The following PAN3 variants were observed in gnomAD, a reference collection of about 807,000 sequenced individuals.
PAN3 encodes PAN2-PAN3 deadenylation complex subunit PAN3.
A neutral mutation model predicts 96.2 loss-of-function variants in PAN3; 19 were observed. The ratio of observed to expected loss-of-function variants is 0.20; its 90% CI spans 0.14 to 0.29. PAN3 has a LOEUF of 0.29. Among genes scored for constraint, PAN3 ranks in the 10% least tolerant of loss-of-function variants. The pLI is 1.00. For missense variants in PAN3, 882 were observed against 1,108.1 expected, an observed-to-expected ratio of 0.80 and a Z score of 2.90; for synonymous variants, 433 against 406.6, an observed-to-expected ratio of 1.06 and a Z score of -0.78.
chr13:28,259,644 T>G (rs890502290), intron 7 of PAN3, among the ~76,000 whole-genome samples: 1 of 152,072 alleles, frequency 6.6e-6, no homozygotes, highest in South Asian at 2.1e-4. Flanking sequence ...TTTATTTATT[T>G]ATTTATTTAT....
At chr13:28,166,084 C>T (rs1873502024) in intron 1 of PAN3, among the ~76,000 whole-genome samples, 1 of 152,200 alleles carries the variant, frequency 6.6e-6, no homozygotes, top group Non-Finnish European at 1.5e-5. Flanking sequence ...TCCCAGTAGT[C>T]TCAAAAGTCT....
At chr13:28,225,419 C>T (rs1881892261) in intron 6 of PAN3, among the ~76,000 whole-genome samples, 1 of 152,152 alleles carries the variant, frequency 6.6e-6, no homozygotes, top group Admixed American at 6.5e-5. Flanking sequence ...CATTTCATAT[C>T]ATAGATGAGC....
chr13:28,184,546 CA>C (rs1288145269), intron 4 of PAN3, among the ~76,000 whole-genome samples: 1 of 151,940 alleles, frequency 6.6e-6, no homozygotes, highest in Non-Finnish European at 1.5e-5. Flanking sequence ...TGATTTTTTT[CA>C]ATGTAAATTT....
intron 6 of PAN3, among the ~76,000 whole-genome samples, chr13:28,248,503 A>G (rs1207908696): frequency 7.1e-6 from 1 of 139,944 alleles, no homozygotes; most frequent in East Asian, 2.1e-4. Flanking sequence ...CTTGTTCCAG[A>G]TCTTAGAGGA....
At chr13:28,159,103 A>G (rs1421743604) in intron 1 of PAN3, among the ~76,000 whole-genome samples, 1 of 152,208 alleles carries the variant, frequency 6.6e-6, no homozygotes, top group East Asian at 1.9e-4. Context: ...TTTCATTTTT[A>G]GGTGTATACC....
rs1276119361 is a variant in PAN3, at chr13:28,194,450, G to A, written c.691-2735G>A. Among the ~76,000 whole-genome samples the A allele has an allele frequency of 8.0e-5, 8 of 100,058 alleles. No individual in the cohort carries two copies. The East Asian group carries it at 2.1e-3, about 27-fold the overall frequency. 65.6% of individuals were successfully genotyped at this position (100,058 alleles called of 152,430 possible). On this transcript the variant is annotated intron_variant, in intron 4 of 18. Coordinates refer to ENST00000380958, the MANE Select transcript of PAN3 (RefSeq NM_175854.8). ...TGTGTATATATACATATATATGTAT[G>A]TATATATATATATATATTTTTTTTT...
chr13:28,268,108 A>G (rs1258448418), intron 12 of PAN3, among the ~76,000 whole-genome samples: 4 of 152,192 alleles, frequency 2.6e-5, no homozygotes, highest in Admixed American at 6.5e-5. Context: ...GGAAAATTCA[A>G]TAGCTTAGAA....
At chr13:28,164,934 A>G (rs767060596) in intron 1 of PAN3, among the ~76,000 whole-genome samples, 1 of 152,176 alleles carries the variant, frequency 6.6e-6, no homozygotes, top group Admixed American at 6.5e-5. Context: ...TTTTAGACCG[A>G]ATCTCACTCT....
chr13:28,152,717 T>C (rs1367621919), intron 1 of PAN3, among the ~76,000 whole-genome samples: 1 of 152,186 alleles, frequency 6.6e-6, no homozygotes, highest in African/African-American at 2.4e-5. Context: ...GAGCTGAAGA[T>C]AAATGTCCCG....
At chr13:28,233,717 C>G (rs550600225) in intron 6 of PAN3, among the ~76,000 whole-genome samples, 4 of 152,274 alleles carry the variant, frequency 2.6e-5, no homozygotes, top group African/African-American at 9.6e-5. Flanking sequence ...CTCAGGATGT[C>G]ATAAAATCAG....
At chr13:28,230,745 G>C (rs1485500741) in intron 6 of PAN3, among the ~76,000 whole-genome samples, 1 of 151,660 alleles carries the variant, frequency 6.6e-6, no homozygotes, top group Admixed American at 6.6e-5. Context: ...TTACTTTTTT[G>C]TGTGAATTTT....
chr13:28,151,771 G>A (rs1871392502), intron 1 of PAN3, among the ~76,000 whole-genome samples: 1 of 152,170 alleles, frequency 6.6e-6, no homozygotes, highest in Non-Finnish European at 1.5e-5. Flanking sequence ...TGCCAGCTGA[G>A]ATGAGGAAGG....
At chr13:28,249,509 C>T (rs1884515231) in intron 6 of PAN3, among the ~76,000 whole-genome samples, 1 of 151,776 alleles carries the variant, frequency 6.6e-6, no homozygotes, top group African/African-American at 2.4e-5. Flanking sequence ...AGTACAGTGG[C>T]GTGACCTCGG....
intron 6 of PAN3, among the ~76,000 whole-genome samples, chr13:28,254,439 T>C (rs767209876): frequency 2.0e-5 from 3 of 152,230 alleles, no homozygotes; most frequent in Non-Finnish European, 2.9e-5. Context: ...AATGTCATAA[T>C]AGTAAACAAA....
At chr13:28,196,008 G>A (rs937260401) in intron 4 of PAN3, among the ~76,000 whole-genome samples, 1 of 151,096 alleles carries the variant, frequency 6.6e-6, no homozygotes, top group African/African-American at 2.4e-5. Flanking sequence ...ATATTTGACT[G>A]GCTATAGGTT....
chr13:28,235,696 TACACACACACACACAC>T (rs34812975), intron 6 of PAN3, among the ~76,000 whole-genome samples: 2 of 140,630 alleles, frequency 1.4e-5, no homozygotes, highest in Non-Finnish European at 1.5e-5. Context: ...CACACACACA[TACACACACACACACAC>T]ACACACACAC....
At chr13:28,275,783 T>C (rs1887007171) in intron 14 of PAN3, among the ~76,000 whole-genome samples, 2 of 152,206 alleles carry the variant, frequency 1.3e-5, no homozygotes, top group Admixed American at 1.3e-4. Context: ...CTCCTGACTC[T>C]ATCACCAGTG....
chr13:28,239,162 AACACACACACAC>A (rs71086840), intron 6 of PAN3, among the ~76,000 whole-genome samples: 2 of 76,820 alleles, frequency 2.6e-5, no homozygotes, highest in African/African-American at 1.0e-4. Context: ...CACCCCCGCC[AACACACACACAC>A]ACACACACAC....
In PAN3 at chr13:28,201,188, C is replaced by T. The variant is rs553753337; in HGVS notation, c.852+3842C>T. Among the ~76,000 whole-genome samples the T allele has an allele frequency of 2.6e-5, 4 of 151,738 alleles. No individual in the cohort carries two copies. In the South Asian group the frequency reaches 8.4e-4, roughly 32 times the overall value. On this transcript the variant is annotated intron_variant, in intron 5 of 18. Coordinates refer to ENST00000380958, the MANE Select transcript of PAN3 (RefSeq NM_175854.8). Reference sequence around the variant, plus strand: ...TAGCTGGGACTGCAGGCACATATCACTGCACCCACCTAATTTTTTTTTTTT... The same window carrying T: ...TAGCTGGGACTGCAGGCACATATCATTGCACCCACCTAATTTTTTTTTTTT...
Sources: allele counts gnomAD v4.1 joint callset (sites outside exome capture counted in the v4.1 genomes callset), GRCh38; gene constraint gnomAD v4.1.1; transcripts MANE v1.5; gene names NCBI Gene and HGNC (gene_info 2026-07-23, HGNC 2026-07-21).